The following WWOX variants were observed in gnomAD, a reference collection of about 807,000 sequenced individuals.
WWOX encodes the protein WW domain-containing oxidoreductase.
WWOX carries 69 observed loss-of-function variants against 46.2 expected under a neutral mutation model. That is an observed-to-expected ratio of 1.49 (90% confidence interval 1.23 to 1.82). The LOEUF is 1.82. Ranked by LOEUF, WWOX falls within the 40% of genes most tolerant of loss-of-function variation. The pLI is 0.00. For missense variants in WWOX, 919 were observed against 542.6 expected, an observed-to-expected ratio of 1.69 and a Z score of -6.89; for synonymous variants, 359 against 202.6, an observed-to-expected ratio of 1.77 and a Z score of -6.56.
chr16:78,728,137 T>A (rs2048880848), intron 8 of WWOX, among the ~76,000 whole-genome samples: 1 of 142,640 alleles, frequency 7.0e-6, no homozygotes, highest in South Asian at 2.3e-4. Flanking sequence ...CAGTCACAGG[T>A]TACTGCAGCC....
intron 8 of WWOX, among the ~76,000 whole-genome samples, chr16:78,633,219 G>A (rs957269348): frequency 6.6e-6 from 1 of 152,170 alleles, no homozygotes; most frequent in South Asian, 2.1e-4. Context: ...CTGAGATCGT[G>A]CCACTGCGCT....
chr16:78,583,079 C>G (rs2247294), intron 8 of WWOX, among the ~76,000 whole-genome samples: 60,108 of 152,164 alleles, frequency 0.4, 14,354 homozygotes, highest in Middle Eastern at 0.57. Context: ...GAGCAGAGCT[C>G]TTGAAGAAGA....
chr16:78,382,203 C>G (rs750540305), intron 5 of WWOX, among the ~76,000 whole-genome samples: 8 of 152,192 alleles, frequency 5.3e-5, no homozygotes, highest in Non-Finnish European at 8.8e-5. Context: ...TATTTCTCCT[C>G]TTTCTGGACA....
rs903611100 is a variant in WWOX at position 78,972,874 on chromosome 16, C to G, written c.1057-238734C>G. Among the ~76,000 whole-genome samples the G allele has an allele frequency of 2.6e-5, 4 of 152,322 alleles. No homozygotes were observed. The East Asian group carries it at 7.7e-4, about 29-fold the overall frequency. Reference sequence around the variant, plus strand: ...GTCCTCTGAACTTAACACGTCTCCCCGCCTTGTAAGGGCTGCCTGTCATTT... The same window carrying G: ...GTCCTCTGAACTTAACACGTCTCCCGGCCTTGTAAGGGCTGCCTGTCATTT... On this transcript the variant is annotated intron_variant, in intron 8 of 8. Coordinates refer to ENST00000566780, the MANE Select transcript of WWOX (RefSeq NM_016373.4).
chr16:79,104,540 C>T (rs563651232), intron 8 of WWOX, among the ~76,000 whole-genome samples: 1 of 152,260 alleles, frequency 6.6e-6, no homozygotes, highest in South Asian at 2.1e-4. Flanking sequence ...TAGTTGACAA[C>T]TTGACATCAA....
At chr16:78,846,749 A>T (rs35726980) in intron 8 of WWOX, among the ~76,000 whole-genome samples, 11,741 of 152,204 alleles carry the variant, frequency 0.077, 619 homozygotes, top group Non-Finnish European at 0.11. Flanking sequence ...ACTACTTCTC[A>T]AATTTTCATC....
At chr16:78,177,133 T>C (rs985562170) in intron 5 of WWOX, among the ~76,000 whole-genome samples, 3 of 152,240 alleles carry the variant, frequency 2.0e-5, no homozygotes, top group Non-Finnish European at 4.4e-5. Flanking sequence ...TCAACAGTTC[T>C]CATGCAGCTT....
chr16:78,387,619 C>T (rs2082087475), intron 6 of WWOX, among the ~76,000 whole-genome samples: 1 of 151,972 alleles, frequency 6.6e-6, no homozygotes, highest in South Asian at 2.1e-4. Flanking sequence ...AGACAGGAGG[C>T]CTCAAACCCT....
intron 8 of WWOX, among the ~76,000 whole-genome samples, chr16:78,672,782 C>G (rs906643739): frequency 1.1e-4 from 16 of 152,238 alleles, no homozygotes; most frequent in African/African-American, 3.9e-4. Flanking sequence ...TATGGCCTGA[C>G]AGCTCTTGAG....
At chr16:78,422,692 C>CATATATATATAT (rs2082965574) in intron 6 of WWOX, among the ~76,000 whole-genome samples, 6 of 25,376 alleles carry the variant, frequency 2.4e-4, no homozygotes, top group African/African-American at 6.0e-4. Context: ...TATACACACA[C>CATATATATATAT]ACACACACAT....
intron 8 of WWOX, among the ~76,000 whole-genome samples, chr16:78,981,462 G>T (rs2046680780): frequency 6.6e-6 from 1 of 150,558 alleles, no homozygotes; most frequent in Admixed American, 6.6e-5. Flanking sequence ...TTTTTAGGTG[G>T]AGTCTTGCTC....
intron 8 of WWOX, among the ~76,000 whole-genome samples, chr16:78,441,998 A>G (rs957551517): frequency 6.7e-6 from 1 of 149,836 alleles, no homozygotes. Context: ...GTGGCTGGGC[A>G]TGGTGGCTCT....
chr16:78,677,245 G>A (rs2047623123), intron 8 of WWOX, among the ~76,000 whole-genome samples: 1 of 152,058 alleles, frequency 6.6e-6, no homozygotes, highest in Non-Finnish European at 1.5e-5. Flanking sequence ...AGGGTATAGG[G>A]GTCAGGCAGC....
chr16:78,470,140 C>T (rs956368615), intron 8 of WWOX, among the ~76,000 whole-genome samples: 29 of 152,302 alleles, frequency 1.9e-4, no homozygotes, highest in Middle Eastern at 3.4e-3. Context: ...GTGGCTCAGC[C>T]GTCTGACACA....
chr16:78,232,426 G>C (rs2161635), intron 5 of WWOX, among the ~76,000 whole-genome samples: 39,108 of 151,956 alleles, frequency 0.26, 5,413 homozygotes, highest in Admixed American at 0.34. Context: ...TCCCTCCCCA[G>C]TAGTTGTGAA....
At chr16:78,568,278 G>C (rs1346663628) in intron 8 of WWOX, among the ~76,000 whole-genome samples, 2 of 151,920 alleles carry the variant, frequency 1.3e-5, no homozygotes, top group Admixed American at 6.6e-5. Context: ...GAAGATGAGG[G>C]AGGAAAATGG....
chr16:79,040,242 T>G (rs1051592330), intron 8 of WWOX, among the ~76,000 whole-genome samples: 2 of 151,392 alleles, frequency 1.3e-5, no homozygotes, highest in Non-Finnish European at 2.9e-5. Context: ...GTCCCACATC[T>G]CAGGTACATT....
Position 78,099,897 on chromosome 16 carries a change from G to C in WWOX, c.107+12G>C. Reference sequence around the variant, plus strand: ...GTTTACTACGCCAAGTAAGGGGGCCGCAGTGGGGCCGCGGACGCACCTGGG... The same window carrying C: ...GTTTACTACGCCAAGTAAGGGGGCCCCAGTGGGGCCGCGGACGCACCTGGG... On this transcript the variant is annotated intron_variant, in intron 1 of 8. Transcript: ENST00000566780. 1 of 1,555,448 alleles carries C rather than the reference G, an allele frequency of 6.4e-7. No homozygotes were observed.
At chr16:78,636,845 A>G (rs542227752) in intron 8 of WWOX, among the ~76,000 whole-genome samples, 4 of 152,188 alleles carry the variant, frequency 2.6e-5, no homozygotes, top group African/African-American at 9.7e-5. Context: ...TACGCTCTTC[A>G]TGGTACAGCC....
Sources: gnomAD v4.1 joint callset for allele counts (sites outside exome capture counted in the v4.1 genomes callset) on GRCh38, gnomAD v4.1.1 for gene constraint, MANE v1.5 for transcripts, NCBI Gene and HGNC (gene_info 2026-07-23, HGNC 2026-07-21) for gene names.